Variants in RANBP2 observed in about 807,000 individuals in gnomAD.
RANBP2 encodes the protein E3 SUMO-protein ligase RanBP2.
Under a neutral mutation model 303.6 loss-of-function variants are expected in RANBP2, and 57 were observed. The ratio of observed to expected loss-of-function variants is 0.19; its 90% CI spans 0.15 to 0.23. The LOEUF (loss-of-function observed/expected upper bound fraction) is 0.23, where lower values mean the gene tolerates loss of function less well. RANBP2 is among the 10% of genes least tolerant of loss of function. The probability of loss-of-function intolerance (pLI) is 1.00; values close to 1 mark genes in which losing one functional copy is unlikely to be tolerated. For synonymous variants in RANBP2, 1,167 were observed against 1,301.5 expected, an observed-to-expected ratio of 0.90 and a Z score of 2.23; for missense variants, 3,138 against 3,780.8, an observed-to-expected ratio of 0.83 and a Z score of 4.46.
chr2:108,758,459 C>G lies in RANBP2; in HGVS notation c.2513C>G (p.Pro838Arg), dbSNP rs750616403. 4.3e-6 allele frequency: 7 copies of G among 1,611,626 alleles called. No individual in the cohort carries two copies. Among genetic ancestry groups the G allele is most frequent in the South Asian group, 2.2e-5 (2 of 90,976 alleles). ...LKLNSSNSASPHRWPTENYGP... is the reference protein window; with the variant it reads ...LKLNSSNSASRHRWPTENYGP... ...CTAAATAGCAGTAACTCAGCATCCC[C>G]TCATCGTTGGCCCACAGAGAATTAT... The change falls in exon 18 of 29, where the codon CCT becomes CGT. Residue 838 changes from proline (P) to arginine (R), a missense_variant. Around this residue, in one of 20 missense-constraint regions of RANBP2, gnomAD observed 194 missense variants for 197.4 expected, o/e 0.98. Transcript: ENST00000283195.
chr2:108,935,244 A>G, the RANBP2 span, among the ~76,000 whole-genome samples: 1 of 152,230 alleles, frequency 6.6e-6, no homozygotes, highest in East Asian at 1.9e-4. Context: ...AGCTGTAATC[A>G]CATCAGCTTA....
At chr2:109,698,590 T>C in the RANBP2 span, among the ~76,000 whole-genome samples, 1 of 152,178 alleles carries the variant, frequency 6.6e-6, no homozygotes. Flanking sequence ...GGTTCTTGTA[T>C]GCTCATTCCA....
chr2:109,410,262 A>C, the RANBP2 span, among the ~76,000 whole-genome samples: 1 of 152,250 alleles, frequency 6.6e-6, no homozygotes, highest in East Asian at 1.9e-4. Context: ...CACAGATGAC[A>C]GCCCAATCTT....
At chr2:109,136,466 C>T in the RANBP2 span, among the ~76,000 whole-genome samples, 2 of 152,136 alleles carry the variant, frequency 1.3e-5, no homozygotes, top group Non-Finnish European at 2.9e-5. Context: ...TGCAGGCACC[C>T]CATAATGTGA....
the RANBP2 span, among the ~76,000 whole-genome samples, chr2:109,061,752 C>A: frequency 6.6e-6 from 1 of 152,150 alleles, no homozygotes; most frequent in East Asian, 1.9e-4. Context: ...AGTAGTCAAT[C>A]CATATTATCA....
chr2:109,084,205 A>G, the RANBP2 span, among the ~76,000 whole-genome samples: 32 of 152,230 alleles, frequency 2.1e-4, no homozygotes, highest in African/African-American at 7.5e-4. Flanking sequence ...TCCAACAGAA[A>G]TTGAACTAAC....
At chr2:109,404,924 A>T in the RANBP2 span, among the ~76,000 whole-genome samples, 2 of 151,794 alleles carry the variant, frequency 1.3e-5, no homozygotes, top group Non-Finnish European at 2.9e-5. Flanking sequence ...GTCCCCTTTG[A>T]TCTGTGCCTC....
chr2:109,114,376 G>GTA, the RANBP2 span, among the ~76,000 whole-genome samples: 1 of 152,150 alleles, frequency 6.6e-6, no homozygotes, highest in Non-Finnish European at 1.5e-5. Flanking sequence ...TGTATGTGTT[G>GTA]AGGAATTTAC....
At chr2:109,395,066 G>A in the RANBP2 span, among the ~76,000 whole-genome samples, 1 of 152,252 alleles carries the variant, frequency 6.6e-6, no homozygotes, top group Non-Finnish European at 1.5e-5. Flanking sequence ...ATTGGAGCTT[G>A]TTGTGAAGAC....
chr2:109,082,980 C>T, the RANBP2 span, among the ~76,000 whole-genome samples: 3 of 152,002 alleles, frequency 2.0e-5, no homozygotes, highest in African/African-American at 7.2e-5. Flanking sequence ...CATCTGCCAC[C>T]ATACCTGGCT....
chr2:109,389,512 C>G, the RANBP2 span, among the ~76,000 whole-genome samples: 2 of 152,140 alleles, frequency 1.3e-5, no homozygotes. Context: ...TATTCTATTC[C>G]GTTTCTTAAA....
the RANBP2 span, among the ~76,000 whole-genome samples, chr2:108,944,254 C>T: frequency 6.6e-6 from 1 of 152,164 alleles, no homozygotes; most frequent in African/African-American, 2.4e-5. Flanking sequence ...GCTGGGATTA[C>T]AGGGCTGTAC....
chr2:108,781,231 T>C, intron 25 of RANBP2, 38 bp from the exon 26 acceptor site: 1 of 1,605,200 alleles, frequency 6.2e-7, no homozygotes, highest in Non-Finnish European at 8.5e-7. Context: ...ATGTAAAAAA[T>C]AGATACTAGT....
chr2:108,877,314 CAGAATT>C, the RANBP2 span, among the ~76,000 whole-genome samples: 1 of 138,584 alleles, frequency 7.2e-6, no homozygotes, highest in Non-Finnish European at 1.6e-5. Flanking sequence ...CAAAAAAAAA[CAGAATT>C]AGCCAGGCGG....
chr2:108,949,707 C>T, the RANBP2 span, among the ~76,000 whole-genome samples: 2 of 152,184 alleles, frequency 1.3e-5, no homozygotes, highest in Admixed American at 1.3e-4. Context: ...GGCCACTGAA[C>T]CCCAGTCCTG....
chr2:109,474,593 C>G, the RANBP2 span, among the ~76,000 whole-genome samples: 7 of 152,224 alleles, frequency 4.6e-5, no homozygotes, highest in Non-Finnish European at 1.0e-4. Flanking sequence ...CTGCTTCAGA[C>G]TTACCCAGGT....
the RANBP2 span, among the ~76,000 whole-genome samples, chr2:108,799,564 A>G: frequency 6.6e-6 from 1 of 151,996 alleles, no homozygotes. Flanking sequence ...ATTTTTCTTT[A>G]TCTTTGGTTT....
the RANBP2 span, among the ~76,000 whole-genome samples, chr2:109,671,979 C>T: frequency 6.6e-6 from 1 of 151,810 alleles, no homozygotes; most frequent in Non-Finnish European, 1.5e-5. Flanking sequence ...TATGCTCCTG[C>T]TTCTATTTCT....
At chr2:108,930,232 A>T in the RANBP2 span, 21 of 1,614,104 alleles carry the variant, frequency 1.3e-5, no homozygotes, top group Non-Finnish European at 1.6e-5. Context: ...GGCTGAGCAC[A>T]TCAGAGACAC....
Sources: gnomAD v4.1 joint callset for allele counts (sites outside exome capture counted in the v4.1 genomes callset) on GRCh38, gnomAD v4.1.1 for gene constraint, gnomAD v4.1.1 regional missense constraint, MANE v1.5 for transcripts, NCBI Gene and HGNC (gene_info 2026-07-23, HGNC 2026-07-21) for gene names.